UBE2V2: variants seen among roughly 807,000 people sequenced by gnomAD.
UBE2V2 encodes the protein ubiquitin-conjugating enzyme E2 variant 2.
In UBE2V2, 9 loss-of-function variants were observed where a neutral mutation model predicts 17.2. The observed-to-expected ratio is 0.52, with a 90% CI of 0.32 to 0.91. The LOEUF is 0.91. UBE2V2 is among the 40% of genes least tolerant of loss of function. The pLI is 0.04. For missense variants in UBE2V2, 133 were observed against 182.6 expected (o/e 0.73, Z 1.56); for synonymous variants, 61 against 57.5 (o/e 1.06, Z -0.28).
At chr8:48,035,075 C>G (rs1425361743) in intron 1 of UBE2V2, 2 of 979,992 alleles carry the variant, frequency 2.0e-6, no homozygotes, top group African/African-American at 1.8e-5. Context: ...AGTGCCAGAA[C>G]TGGCCTTAGC....
intron 1 of UBE2V2, among the ~76,000 whole-genome samples, chr8:48,018,447 GTTT>G (rs2091284272): frequency 6.6e-6 from 1 of 152,036 alleles, no homozygotes; most frequent in Non-Finnish European, 1.5e-5. Context: ...TAACTTCCAT[GTTT>G]TTGTGAATTT....
chr8:48,015,050 C>CAAAAAAAAA (rs1173137634), intron 1 of UBE2V2, among the ~76,000 whole-genome samples: 2 of 63,750 alleles, frequency 3.1e-5, no homozygotes, highest in Non-Finnish European at 3.1e-5. Context: ...ACTCCATCTC[C>CAAAAAAAAA]AAAAAAAAAA....
intron 1 of UBE2V2, among the ~76,000 whole-genome samples, chr8:48,039,588 T>G (rs1292332402): frequency 6.6e-6 from 1 of 152,240 alleles, no homozygotes; most frequent in Non-Finnish European, 1.5e-5. Flanking sequence ...CTATATGTTA[T>G]TCACATCCTT....
chr8:48,001,675 A>G, the UBE2V2 span, among the ~76,000 whole-genome samples: 1 of 152,240 alleles, frequency 6.6e-6, no homozygotes, highest in East Asian at 1.9e-4. Context: ...TCCTCCAGAA[A>G]AAACAACCCA....
At chr8:48,025,607 CT>C (rs1362206354) in intron 1 of UBE2V2, among the ~76,000 whole-genome samples, 17 of 134,528 alleles carry the variant, frequency 1.3e-4, no homozygotes, top group South Asian at 2.4e-4. Flanking sequence ...TTTTTTCTTT[CT>C]TTTTTTTTTG....
chr8:48,053,422 A>ATTTTTTTTTTTTT (rs1218371704), intron 3 of UBE2V2, among the ~76,000 whole-genome samples: 1 of 136,548 alleles, frequency 7.3e-6, no homozygotes. Flanking sequence ...AGATCTTTTA[A>ATTTTTTTTTTTTT]TTTTTTTTTT....
chr8:48,013,734 A>C (rs1298068412), intron 1 of UBE2V2, among the ~76,000 whole-genome samples: 2 of 152,228 alleles, frequency 1.3e-5, no homozygotes, highest in East Asian at 3.8e-4. Flanking sequence ...TTGATGAAAG[A>C]ATATGTTTTC....
chr8:48,016,840 G>A (rs1354495001), intron 1 of UBE2V2, among the ~76,000 whole-genome samples: 5 of 144,580 alleles, frequency 3.5e-5, no homozygotes, highest in Non-Finnish European at 7.5e-5. Context: ...AGGCTGGAGT[G>A]CAGTGGCGAG....
At chr8:48,035,767 C>T (rs1204988031) in intron 1 of UBE2V2, among the ~76,000 whole-genome samples, 2 of 138,550 alleles carry the variant, frequency 1.4e-5, no homozygotes, top group African/African-American at 5.4e-5. Flanking sequence ...GTACATGCCA[C>T]TATGCCAGAG....
At chr8:48,052,416 C>G (rs1474528491) in intron 3 of UBE2V2, among the ~76,000 whole-genome samples, 1 of 152,196 alleles carries the variant, frequency 6.6e-6, no homozygotes, top group Non-Finnish European at 1.5e-5. Flanking sequence ...TCAGACCTAC[C>G]TCTAATAAGC....
At chr8:48,047,610 T>A (rs1589863944) in intron 2 of UBE2V2, among the ~76,000 whole-genome samples, 1 of 151,688 alleles carries the variant, frequency 6.6e-6, no homozygotes, top group Non-Finnish European at 1.5e-5. Flanking sequence ...CAGGCTGGAG[T>A]GCAGTGGCGT....
At chr8:48,018,018 G>A (rs2091281993) in intron 1 of UBE2V2, among the ~76,000 whole-genome samples, 1 of 151,814 alleles carries the variant, frequency 6.6e-6, no homozygotes. Context: ...TGTATTTTTA[G>A]TAGAGATGGG....
intron 1 of UBE2V2, among the ~76,000 whole-genome samples, chr8:48,012,191 C>G (rs2091237249): frequency 6.6e-6 from 1 of 152,140 alleles, no homozygotes; most frequent in Admixed American, 6.6e-5. Flanking sequence ...CCCTTCTTAG[C>G]ACAATCCTTG....
At chr8:48,033,501 T>C (rs1370491772) in intron 1 of UBE2V2, among the ~76,000 whole-genome samples, 1 of 152,092 alleles carries the variant, frequency 6.6e-6, no homozygotes, top group East Asian at 1.9e-4. Flanking sequence ...CTTGTTTTTT[T>C]AAAATAAAAT....
At chr8:48,048,065 G>A (rs1275569282) in intron 2 of UBE2V2, among the ~76,000 whole-genome samples, 2 of 147,742 alleles carry the variant, frequency 1.4e-5, no homozygotes, top group Non-Finnish European at 3.0e-5. Flanking sequence ...GCACAGATGT[G>A]CCATGAGTTT....
At chr8:47,998,258 G>C in the UBE2V2 span, among the ~76,000 whole-genome samples, 1 of 152,034 alleles carries the variant, frequency 6.6e-6, no homozygotes, top group Non-Finnish European at 1.5e-5. Context: ...AGGCACCCAA[G>C]GCAGGTAGTT....
rs535265589 is a variant in UBE2V2, at chr8:48,031,676, G to A, written c.17-11357G>A. Among the ~76,000 whole-genome samples the A allele has an allele frequency of 2.6e-5, 4 of 152,144 alleles. No individual in the cohort carries two copies. The East Asian group carries it at 7.7e-4, about 29-fold the overall frequency. On this transcript the variant is annotated intron_variant, in intron 1 of 3. Coordinates refer to ENST00000523111, the MANE Select transcript of UBE2V2 (RefSeq NM_003350.3). ...TTGAATTTGTTTTTTTCTTTTTTGA[G>A]ACGGAGTCTTGCTCTGTCACCCAGG...
chr8:48,020,804 A>G (rs2091299511), intron 1 of UBE2V2, among the ~76,000 whole-genome samples: 1 of 151,532 alleles, frequency 6.6e-6, no homozygotes, highest in Non-Finnish European at 1.5e-5. Context: ...GGGTCTTGCC[A>G]TGTTGCGCAA....
chr8:48,026,128 A>G lies in UBE2V2; in HGVS notation c.17-16905A>G, dbSNP rs148303213. ...TTTCATTTTATTCTTCCTTTTACCTACTTCCCCAAGTAGGCTGCCTCTAGA... is the reference window on the plus strand; with the variant it reads ...TTTCATTTTATTCTTCCTTTTACCTGCTTCCCCAAGTAGGCTGCCTCTAGA... On this transcript the variant is annotated intron_variant, in intron 1 of 3. Coordinates refer to ENST00000523111, the MANE Select transcript of UBE2V2 (RefSeq NM_003350.3). 9.8e-3 allele frequency among the ~76,000 whole-genome samples: 1,459 copies of G among 149,342 alleles called. 15 individuals carry two copies. Among genetic ancestry groups the G allele is most frequent in the Non-Finnish European group, 0.016 (1,090 of 67,482 alleles).
Sources: gnomAD v4.1 joint callset for allele counts (sites outside exome capture counted in the v4.1 genomes callset) on GRCh38, gnomAD v4.1.1 for gene constraint, MANE v1.5 for transcripts, NCBI Gene and HGNC (gene_info 2026-07-23, HGNC 2026-07-21) for gene names.